The following ULK4 variants were observed in gnomAD, a reference collection of about 807,000 sequenced individuals.
ULK4 encodes inactive serine/threonine-protein kinase ULK4.
In ULK4, 133 loss-of-function variants were observed where a neutral mutation model predicts 160.6. The observed-to-expected ratio is 0.83, with a 90% CI of 0.72 to 0.96. The LOEUF is 0.96. Among genes scored for constraint, ULK4 ranks in the 40% least tolerant of loss-of-function variants. ULK4 has a pLI of 0.00. For missense variants in ULK4, 1,580 were observed against 1,499.5 expected (o/e 1.05, Z -0.89); for synonymous variants, 534 against 539.8 (o/e 0.99, Z 0.15).
intron 17 of ULK4, among the ~76,000 whole-genome samples, chr3:41,864,834 T>C (rs938269191): frequency 2.0e-5 from 3 of 152,140 alleles, no homozygotes; most frequent in Admixed American, 6.5e-5. Context: ...CCCTAGGTCA[T>C]TCCCTTCCAC....
chr3:41,897,785 C>G (rs1365147116), intron 14 of ULK4, among the ~76,000 whole-genome samples: 2 of 152,036 alleles, frequency 1.3e-5, no homozygotes, highest in African/African-American at 4.8e-5. Context: ...TTTATTTAAA[C>G]CTAAATATAT....
chr3:41,631,144 T>C (rs1309863163), intron 30 of ULK4, among the ~76,000 whole-genome samples: 1 of 152,212 alleles, frequency 6.6e-6, no homozygotes, highest in Non-Finnish European at 1.5e-5. Context: ...TGTTTGTCCT[T>C]GCCTGCAATT....
Position 41,262,443 on chromosome 3 carries a change from G to C in ULK4, c.3679-12869C>G, listed in dbSNP as rs535149257. Among the ~76,000 whole-genome samples the C allele has an allele frequency of 5.3e-5, 8 of 152,316 alleles. No homozygotes were observed. In the South Asian group the frequency reaches 8.3e-4, roughly 16 times the overall value. ...GTAAGCTAGCGTTTGAATGATCAAAGGGCACACTTTGGTGAGAGCAAAGCA... is the reference window on the plus strand; with the variant it reads ...GTAAGCTAGCGTTTGAATGATCAAACGGCACACTTTGGTGAGAGCAAAGCA... On this transcript the variant is annotated intron_variant, in intron 35 of 36. Coordinates refer to ENST00000301831, the MANE Select transcript of ULK4 (RefSeq NM_017886.4).
At chr3:41,832,375 T>C (rs2041622662) in intron 18 of ULK4, among the ~76,000 whole-genome samples, 1 of 152,148 alleles carries the variant, frequency 6.6e-6, no homozygotes, top group South Asian at 2.1e-4. Flanking sequence ...TTTGCCCACG[T>C]TTTTATGGGT....
chr3:41,650,826 A>G (rs1465882998), intron 30 of ULK4, among the ~76,000 whole-genome samples: 3 of 152,216 alleles, frequency 2.0e-5, no homozygotes, highest in African/African-American at 4.8e-5. Context: ...TTTTATTTAT[A>G]AAAGCAGGTG....
In ULK4 at chr3:41,424,997, C is replaced by T. The variant is rs11926103; in HGVS notation, c.3493-26733G>A. 6.0e-3 allele frequency among the ~76,000 whole-genome samples: 915 copies of T among 152,176 alleles called. 8 individuals carry two copies. Among genetic ancestry groups the T allele is most frequent in the African/African-American group, 0.021 (873 of 41,532 alleles). On this transcript the variant is annotated intron_variant, in intron 34 of 36. Coordinates refer to ENST00000301831, the MANE Select transcript of ULK4 (RefSeq NM_017886.4). ...CAAAGGTGAGTAATAATAAACTTCA[C>T]TGAGCTAAAGGAGCATGTTGTAACC...
intron 5 of ULK4, among the ~76,000 whole-genome samples, chr3:41,931,080 C>G (rs1368359752): frequency 1.3e-5 from 2 of 152,158 alleles, no homozygotes; most frequent in African/African-American, 4.8e-5. Context: ...TGGAACCAAC[C>G]CAAATGCCCA....
chr3:41,832,433 G>C (rs1041577168), intron 18 of ULK4, among the ~76,000 whole-genome samples: 1 of 151,962 alleles, frequency 6.6e-6, no homozygotes, highest in Non-Finnish European at 1.5e-5. Context: ...TAGATTCTGG[G>C]TATTAGACCT....
chr3:41,936,309 C>T (rs1699774417), intron 3 of ULK4, among the ~76,000 whole-genome samples: 1 of 152,194 alleles, frequency 6.6e-6, no homozygotes, highest in Non-Finnish European at 1.5e-5. Context: ...GCAGTCAGGT[C>T]ACATTCTGCA....
chr3:41,602,028 T>C (rs1342561350), intron 31 of ULK4, among the ~76,000 whole-genome samples: 1 of 152,022 alleles, frequency 6.6e-6, no homozygotes, highest in Non-Finnish European at 1.5e-5. Flanking sequence ...ACCCTGTCTC[T>C]ACAAAAAGTA....
At chr3:41,506,773 T>TATATATAAATATATATAA (rs1559658132) in intron 32 of ULK4, among the ~76,000 whole-genome samples, 1 of 20,110 alleles carries the variant, frequency 5.0e-5, no homozygotes, top group African/African-American at 1.5e-4. Flanking sequence ...TTAAAATATA[T>TATATATAAATATATATAA]ATATATATAT....
intron 30 of ULK4, among the ~76,000 whole-genome samples, chr3:41,655,271 G>T (rs75720917): frequency 6.7e-6 from 1 of 148,338 alleles, no homozygotes; most frequent in Non-Finnish European, 1.5e-5. Context: ...GCAAACTATC[G>T]CAAGGACAAA....
At chr3:41,370,491 C>A (rs957575392) in intron 35 of ULK4, among the ~76,000 whole-genome samples, 1 of 152,090 alleles carries the variant, frequency 6.6e-6, no homozygotes, top group Non-Finnish European at 1.5e-5. Flanking sequence ...TTAGACAGTG[C>A]GTACAGCCCA....
intron 31 of ULK4, among the ~76,000 whole-genome samples, chr3:41,568,882 T>C (rs1355387340): frequency 2.6e-5 from 4 of 152,158 alleles, no homozygotes; most frequent in Non-Finnish European, 5.9e-5. Flanking sequence ...CAAACACTCA[T>C]CACAAGTCTG....
At chr3:41,300,592 T>A (rs1456009709) in intron 35 of ULK4, among the ~76,000 whole-genome samples, 1 of 151,762 alleles carries the variant, frequency 6.6e-6, no homozygotes, top group African/African-American at 2.4e-5. Context: ...TGAACCTTTA[T>A]CTTAAGGCCT....
intron 31 of ULK4, among the ~76,000 whole-genome samples, chr3:41,585,386 T>C (rs2030716425): frequency 6.6e-6 from 1 of 152,186 alleles, no homozygotes; most frequent in African/African-American, 2.4e-5. Context: ...GGCCAATCTT[T>C]GACAAGTTGC....
intron 20 of ULK4, among the ~76,000 whole-genome samples, chr3:41,794,132 C>T (rs976780524): frequency 3.9e-4 from 59 of 152,252 alleles, no homozygotes; most frequent in African/African-American, 1.4e-3. Flanking sequence ...TAGTGTAGAA[C>T]AATCTATGGA....
At chr3:41,632,043 T>C (rs1343422763) in intron 30 of ULK4, among the ~76,000 whole-genome samples, 1 of 152,224 alleles carries the variant, frequency 6.6e-6, no homozygotes, top group African/African-American at 2.4e-5. Flanking sequence ...TAATGATTCT[T>C]TGAATCTTTG....
chr3:41,251,761 C>CT (rs1452112584), intron 35 of ULK4, among the ~76,000 whole-genome samples: 3 of 152,226 alleles, frequency 2.0e-5, no homozygotes, highest in Non-Finnish European at 4.4e-5. Context: ...GATCTCTATT[C>CT]TTTCTCTGTT....
Sources: gnomAD v4.1 joint callset for allele counts (sites outside exome capture counted in the v4.1 genomes callset) on GRCh38, gnomAD v4.1.1 for gene constraint, MANE v1.5 for transcripts, NCBI Gene and HGNC (gene_info 2026-07-23, HGNC 2026-07-21) for gene names.